Variants in RIMS2 observed in about 807,000 individuals in gnomAD.
RIMS2 encodes the protein regulating synaptic membrane exocytosis 2, also known as regulating synaptic membrane exocytosis protein 2.
A neutral mutation model predicts 174.4 loss-of-function variants in RIMS2; 59 were observed. The ratio of observed to expected loss-of-function variants is 0.34; its 90% CI spans 0.27 to 0.42. The LOEUF (loss-of-function observed/expected upper bound fraction) is 0.42. Among genes scored for constraint, RIMS2 ranks in the 10% least tolerant of loss-of-function variants. The probability of loss-of-function intolerance (pLI) is 1.00; values close to 1 mark genes in which losing one functional copy is unlikely to be tolerated. For missense variants in RIMS2, 1,620 were observed against 1,666.3 expected (o/e 0.97, Z 0.48); for synonymous variants, 606 against 572.5 (o/e 1.06, Z -0.84).
At chr8:104,177,048 AAT>A (rs2098904535) in intron 19 of RIMS2, among the ~76,000 whole-genome samples, 1 of 152,146 alleles carries the variant, frequency 6.6e-6, no homozygotes, top group South Asian at 2.1e-4. Flanking sequence ...GATATGTTTA[AAT>A]ATGTTTCATA....
rs1031695926 is a variant in RIMS2, at chr8:103,550,779, C to T, written c.176+49717C>T. On this transcript the variant is annotated intron_variant, in intron 1 of 23. Transcript: ENST00000504942. ...ATAAAAAATGATAAAGGGGTTATTA[C>T]CACTGATCCCACAGAAATACAAACT... Among the ~76,000 whole-genome samples, 40 of 152,100 alleles carry T rather than the reference C, an allele frequency of 2.6e-4. 1 individual carries two copies. Among genetic ancestry groups the T allele is most frequent in the Non-Finnish European group, 1.2e-4 (8 of 68,016 alleles).
Position 103,626,261 on chromosome 8 carries a change from TTAA to T in RIMS2, c.177-70821_177-70819del, listed in dbSNP as rs541643907. 1.6e-3 allele frequency among the ~76,000 whole-genome samples: 239 copies of T among 152,330 alleles called. 2 individuals carry two copies. Among genetic ancestry groups the T allele is most frequent in the African/African-American group, 5.2e-3 (217 of 41,590 alleles). On this transcript the variant is annotated intron_variant, in intron 1 of 23. Transcript: ENST00000504942. Reference sequence around the variant, plus strand: ...TTCATAGATTGAAGATATTCAATTCTTAATAAAGCATGGTTACAAAGCTGTCAA... The same window carrying T: ...TTCATAGATTGAAGATATTCAATTCTTAAAGCATGGTTACAAAGCTGTCAA...
At chr8:103,990,893 T>G (rs1040396105) in intron 17 of RIMS2, among the ~76,000 whole-genome samples, 2 of 151,866 alleles carry the variant, frequency 1.3e-5, no homozygotes, top group African/African-American at 4.8e-5. Flanking sequence ...AAAATAAAAT[T>G]AACATCTAGA....
intron 19 of RIMS2, among the ~76,000 whole-genome samples, chr8:104,021,496 C>T (rs545920161): frequency 5.9e-5 from 9 of 152,084 alleles, no homozygotes; most frequent in Non-Finnish European, 1.2e-4. Flanking sequence ...ATAAATATAT[C>T]TTCCTAAATA....
At chr8:103,743,157 A>G (rs1286766395) in intron 2 of RIMS2, among the ~76,000 whole-genome samples, 1 of 152,202 alleles carries the variant, frequency 6.6e-6, no homozygotes, top group African/African-American at 2.4e-5. Flanking sequence ...TGCACCTTTA[A>G]TAAGCAAGTA....
At chr8:103,970,434 G>A (rs747784100) in intron 15 of RIMS2, among the ~76,000 whole-genome samples, 24 of 152,272 alleles carry the variant, frequency 1.6e-4, no homozygotes, top group South Asian at 4.2e-4. Context: ...ATTTCAAAAT[G>A]GTTCCTGTTT....
At chr8:104,248,946 T>TTTTTTA (rs2099349778) in intron 21 of RIMS2, 133 bp downstream of exon 27, 1 of 578,030 alleles carries the variant, frequency 1.7e-6, no homozygotes, top group Non-Finnish European at 3.1e-6. Context: ...TTTTTTTTTT[T>TTTTTTA]AAGACAGAGT....
intron 19 of RIMS2, among the ~76,000 whole-genome samples, chr8:104,082,264 G>A (rs1037937703): frequency 6.6e-6 from 1 of 152,042 alleles, no homozygotes; most frequent in Non-Finnish European, 1.5e-5. Context: ...AAAGAATGGA[G>A]GAAGGCAGGC....
chr8:103,680,312 A>G (rs970060430), intron 1 of RIMS2, among the ~76,000 whole-genome samples: 1 of 152,034 alleles, frequency 6.6e-6, no homozygotes, highest in African/African-American at 2.4e-5. Flanking sequence ...GATGCTTGGA[A>G]TATAGGATCT....
chr8:103,786,650 T>G (rs898248486), intron 3 of RIMS2, among the ~76,000 whole-genome samples: 10 of 152,234 alleles, frequency 6.6e-5, no homozygotes, highest in Admixed American at 2.0e-4. Context: ...TTGTTATAAT[T>G]TCTGTTCTTT....
Position 104,135,810 on chromosome 8 carries a change from G to A in RIMS2, c.3335-109106G>A, listed in dbSNP as rs553489254. Among the ~76,000 whole-genome samples the A allele has an allele frequency of 3.8e-3, 578 of 152,142 alleles. 2 individuals are homozygous for A. The highest frequency in any genetic ancestry group is 0.013 in the African/African-American group (558 of 41,514). On this transcript the variant is annotated intron_variant, in intron 19 of 23. Coordinates refer to ENST00000504942, the Ensembl canonical transcript of RIMS2. ...AAGTTGGTTAAGTATAAATGAAGAG[G>A]AAGGGGCTGATACTTGGAGAAAAAG...
intron 19 of RIMS2, among the ~76,000 whole-genome samples, chr8:104,118,524 C>T (rs985616923): frequency 6.6e-6 from 1 of 151,808 alleles, no homozygotes; most frequent in Non-Finnish European, 1.5e-5. Context: ...CCCAGGATTA[C>T]AGGCATGTGC....
intron 1 of RIMS2, among the ~76,000 whole-genome samples, chr8:103,676,463 T>A (rs1187962234): frequency 6.6e-6 from 1 of 152,182 alleles, no homozygotes; most frequent in Non-Finnish European, 1.5e-5. Flanking sequence ...ATAAACACTT[T>A]ATCCAGAATA....
intron 19 of RIMS2, among the ~76,000 whole-genome samples, chr8:104,056,145 C>A (rs772191401): frequency 6.6e-6 from 1 of 152,154 alleles, no homozygotes; most frequent in Non-Finnish European, 1.5e-5. Context: ...TGGCTCATTC[C>A]TATAATCCCA....
intron 17 of RIMS2, among the ~76,000 whole-genome samples, chr8:104,010,266 AT>A (rs1418636797): frequency 6.6e-6 from 1 of 152,200 alleles, no homozygotes; most frequent in African/African-American, 2.4e-5. Context: ...ACCCAAAAAA[AT>A]GATTCAAAAC....
intron 3 of RIMS2, among the ~76,000 whole-genome samples, chr8:103,785,601 T>C (rs892871544): frequency 2.0e-5 from 3 of 152,164 alleles, no homozygotes; most frequent in African/African-American, 7.2e-5. Flanking sequence ...GAGCCAGCCT[T>C]GCATCCCAGG....
intron 19 of RIMS2, among the ~76,000 whole-genome samples, chr8:104,030,961 GT>G (rs2096378842): frequency 6.6e-6 from 1 of 151,946 alleles, no homozygotes; most frequent in Admixed American, 6.6e-5. Flanking sequence ...TTATATCCCT[GT>G]ACCCAGACAT....
chr8:103,786,302 C>T (rs1387510429), intron 3 of RIMS2, among the ~76,000 whole-genome samples: 2 of 152,014 alleles, frequency 1.3e-5, no homozygotes, highest in Non-Finnish European at 2.9e-5. Flanking sequence ...TTATTTCTTG[C>T]CTTCTGCTAG....
intron 1 of RIMS2, among the ~76,000 whole-genome samples, chr8:103,528,444 T>G (rs1835193323): frequency 6.6e-6 from 1 of 152,196 alleles, no homozygotes; most frequent in Admixed American, 6.5e-5. Flanking sequence ...GCTTTTGGTG[T>G]TTTAGACATG....
Sources: gnomAD v4.1 joint callset for allele counts (sites outside exome capture counted in the v4.1 genomes callset) on GRCh38, gnomAD v4.1.1 for gene constraint, MANE v1.5 for transcripts, NCBI Gene and HGNC (gene_info 2026-07-23, HGNC 2026-07-21) for gene names.